The following MIPOL1 variants were observed in gnomAD, a reference collection of about 807,000 sequenced individuals.
MIPOL1 encodes the protein mirror-image polydactyly gene 1 protein.
In MIPOL1, 57 loss-of-function variants were observed where a neutral mutation model predicts 60.9. The ratio of observed to expected loss-of-function variants is 0.94; its 90% CI spans 0.76 to 1.17. The LOEUF (loss-of-function observed/expected upper bound fraction) is 1.17, where lower values mean the gene tolerates loss of function less well. Among genes scored for constraint, MIPOL1 ranks in the 50% most tolerant of loss-of-function variants. The pLI, the probability that MIPOL1 is intolerant of heterozygous loss-of-function variation, is 0.00. For synonymous variants in MIPOL1, 179 were observed against 168.8 expected (o/e 1.06, Z -0.47); for missense variants, 551 against 511.6 (o/e 1.08, Z -0.74).
chr14:37,222,004 T>C (rs953705905), intron 1 of MIPOL1, among the ~76,000 whole-genome samples: 8 of 145,130 alleles, frequency 5.5e-5, no homozygotes, highest in African/African-American at 8.6e-5. Flanking sequence ...AATAAATAAA[T>C]AAACAAACAA....
At position 37,268,771 on chromosome 14, in the gene MIPOL1, T is replaced by G. The variant is rs771867379; in HGVS notation, c.365T>G (p.Ile122Ser). 1 of 1,587,332 alleles carries G rather than the reference T, an allele frequency of 6.3e-7. No homozygotes were observed. The highest frequency in any genetic ancestry group is 8.6e-7 in the Non-Finnish European group (1 of 1,164,552). The change falls in exon 5 of 13, where the codon ATT (isoleucine) becomes AGT (serine). Residue 122 changes from isoleucine (I) to serine (S), a missense_variant. Ile to Ser is a moderately radical substitution (Grantham distance 142, BLOSUM62 -2). Transcript: ENST00000684589. ...TIAFLLKELD[I>S]LRTSNKKLQQ... The stretch of plus-strand genomic sequence containing the variant: ...GCATTTCTTCTAAAAGAATTGGATA[T>G]TCTCAGAACAAGCAATAAAAAGGTA...
chr14:37,491,016 A>G (rs1219633262), intron 11 of MIPOL1, among the ~76,000 whole-genome samples: 1 of 152,196 alleles, frequency 6.6e-6, no homozygotes, highest in Non-Finnish European at 1.5e-5. Context: ...CATTTTAGTG[A>G]TGCCCATACA....
At chr14:37,211,562 A>G (rs1212415010) in intron 1 of MIPOL1, among the ~76,000 whole-genome samples, 1 of 152,172 alleles carries the variant, frequency 6.6e-6, no homozygotes, top group African/African-American at 2.4e-5. Flanking sequence ...CAGTGGTCCA[A>G]ATCTGAGTGC....
chr14:37,358,089 G>A (rs763224694), intron 9 of MIPOL1, among the ~76,000 whole-genome samples: 3 of 151,960 alleles, frequency 2.0e-5, no homozygotes, highest in Non-Finnish European at 4.4e-5. Context: ...AACATGCAGT[G>A]TTTGGTTTCC....
At chr14:37,205,200 T>A (rs1196988860) in intron 1 of MIPOL1, among the ~76,000 whole-genome samples, 1 of 152,058 alleles carries the variant, frequency 6.6e-6, no homozygotes, top group Non-Finnish European at 1.5e-5. Context: ...ACCTCTGGGT[T>A]CAAGTGATTC....
chr14:37,491,177 C>A (rs962224022), intron 11 of MIPOL1, among the ~76,000 whole-genome samples: 6 of 152,286 alleles, frequency 3.9e-5, no homozygotes, highest in African/African-American at 1.4e-4. Context: ...ACAGTATACT[C>A]TTAGATAATC....
At chr14:37,259,772 T>C (rs1046433664) in intron 3 of MIPOL1, among the ~76,000 whole-genome samples, 11 of 152,150 alleles carry the variant, frequency 7.2e-5, no homozygotes, top group Non-Finnish European at 1.5e-4. Flanking sequence ...AATATAATAT[T>C]ACTCATTATT....
chr14:37,456,214 C>T lies in MIPOL1; in HGVS notation c.1031+33265C>T, dbSNP rs568891529. On this transcript the variant is annotated intron_variant, in intron 11 of 12. Coordinates refer to ENST00000684589, the MANE Select transcript of MIPOL1 (RefSeq NM_001388067.1). ...TTGCCTATCCAAATTAGTCTTCTTTCATATATTCCATAATTGAATCTATCT... is the reference window on the plus strand; with the variant it reads ...TTGCCTATCCAAATTAGTCTTCTTTTATATATTCCATAATTGAATCTATCT... 2.0e-5 allele frequency among the ~76,000 whole-genome samples: 3 copies of T among 152,104 alleles called. No homozygotes were observed. In the South Asian group the frequency reaches 6.2e-4, roughly 32 times the overall value.
rs1157803344 is a variant in MIPOL1 at position 37,350,472 on chromosome 14, G to A, written c.829-19045G>A. On this transcript the variant is annotated intron_variant, in intron 9 of 12. Transcript: ENST00000684589. The stretch of plus-strand genomic sequence containing the variant: ...TTTTTTTAATTTTTAATTTTTGTGG[G>A]TACATAGTAGGTGTATATATTTGTA... 2.0e-5 allele frequency among the ~76,000 whole-genome samples: 3 copies of A among 150,354 alleles called. No homozygotes were observed. The East Asian group carries it at 5.9e-4, about 29-fold the overall frequency.
At chr14:37,305,644 TA>T (rs1412771217) in intron 7 of MIPOL1, among the ~76,000 whole-genome samples, 1 of 151,836 alleles carries the variant, frequency 6.6e-6, no homozygotes, top group African/African-American at 2.4e-5. Context: ...CTGAAACTTT[TA>T]AAAAAATACA....
In MIPOL1 at chr14:37,247,238, G is replaced by A. The variant is rs1004232584; in HGVS notation, c.-63G>A. On this transcript the variant is annotated splice_region_variant and 5_prime_UTR_variant, in exon 2 of 13. Coordinates refer to ENST00000684589, the MANE Select transcript of MIPOL1 (RefSeq NM_001388067.1). ...TTAAAGAACGCTGGGTTCTATCTGT[G>A]AGGTAAATCTAATTTTATTCTCCTT... is the stretch of plus-strand genomic sequence containing the variant. The A allele has an allele frequency of 1.3e-5, 2 of 152,358 alleles. No individual in the cohort carries two copies. The highest frequency in any genetic ancestry group is 4.8e-5 in the African/African-American group (2 of 41,402). The allele number at this position is 152,358 out of a possible 1,614,324, so 9.4% of individuals were successfully genotyped here.
intron 11 of MIPOL1, among the ~76,000 whole-genome samples, chr14:37,453,711 TA>T (rs1406512770): frequency 6.6e-6 from 1 of 152,134 alleles, no homozygotes; most frequent in African/African-American, 2.4e-5. Flanking sequence ...AATTAAACCT[TA>T]AAAAAATAAG....
chr14:37,285,224 C>T, intron 6 of MIPOL1, 94 bp from the exon 7 acceptor site: 1 of 1,311,850 alleles, frequency 7.6e-7, no homozygotes, highest in Admixed American at 1.9e-5. Context: ...GTAGTCCTTA[C>T]AGTAATAATT....
chr14:37,360,660 G>A (rs1302201036), intron 9 of MIPOL1, among the ~76,000 whole-genome samples: 1 of 150,470 alleles, frequency 6.6e-6, no homozygotes, highest in African/African-American at 2.5e-5. Flanking sequence ...GATCGGTGGT[G>A]ATATCCCCTT....
At chr14:37,275,248 T>G (rs182491757) in intron 6 of MIPOL1, among the ~76,000 whole-genome samples, 1 of 151,246 alleles carries the variant, frequency 6.6e-6, no homozygotes, top group African/African-American at 2.4e-5. Context: ...GACTTTTTAC[T>G]GAGTTTTAGC....
chr14:37,489,626 G>A (rs59169697), intron 11 of MIPOL1, among the ~76,000 whole-genome samples: 2 of 152,036 alleles, frequency 1.3e-5, no homozygotes, highest in South Asian at 2.1e-4. Flanking sequence ...CTTCGGATTG[G>A]GTCTCTGACT....
At chr14:37,265,455 A>T (rs940681352) in intron 3 of MIPOL1, among the ~76,000 whole-genome samples, 8 of 152,150 alleles carry the variant, frequency 5.3e-5, no homozygotes, top group African/African-American at 1.9e-4. Flanking sequence ...TAGCTACCAC[A>T]AGACATACCA....
chr14:37,417,223 C>T (rs2093785811), intron 10 of MIPOL1, among the ~76,000 whole-genome samples: 1 of 152,192 alleles, frequency 6.6e-6, no homozygotes, highest in African/African-American at 2.4e-5. Flanking sequence ...CCTTTCTCTC[C>T]TCCATGGCTT....
chr14:37,535,541 G>A (rs573861597), intron 12 of MIPOL1, among the ~76,000 whole-genome samples: 5 of 152,124 alleles, frequency 3.3e-5, no homozygotes, highest in Non-Finnish European at 5.9e-5. Flanking sequence ...ACACTCTCCC[G>A]TTCACAGTAT....
Sources: gnomAD v4.1 joint callset for allele counts (sites outside exome capture counted in the v4.1 genomes callset) on GRCh38, gnomAD v4.1.1 for gene constraint, MANE v1.5 for transcripts, NCBI Gene and HGNC (gene_info 2026-07-23, HGNC 2026-07-21) for gene names.